The following CLEC6A variants were observed in gnomAD, a reference collection of about 807,000 sequenced individuals.
The protein encoded by CLEC6A is C-type lectin domain containing 6A, also known as C-type lectin domain family 6 member A.
In CLEC6A, 22 loss-of-function variants were observed where a neutral mutation model predicts 25.7. The observed-to-expected ratio is 0.85, with a 90% CI of 0.61 to 1.22. The LOEUF is 1.22. CLEC6A is among the 50% of genes most tolerant of loss of function. The pLI, the probability that CLEC6A is intolerant of heterozygous loss-of-function variation, is 0.00. For synonymous variants in CLEC6A, 92 were observed against 76.7 expected, an observed-to-expected ratio of 1.20 and a Z score of -1.04; for missense variants, 240 against 236.8, an observed-to-expected ratio of 1.01 and a Z score of -0.09.
rs1939994031 is a variant in CLEC6A, at chr12:8,477,558, T to A, written c.*94T>A. The A allele has an allele frequency of 4.2e-6, 4 of 962,602 alleles. No individual in the cohort carries two copies. The highest frequency in any genetic ancestry group is 6.1e-6 in the Non-Finnish European group (4 of 660,512). 59.6% of individuals were successfully genotyped at this position (962,602 alleles called of 1,614,324 possible). A position where few individuals can be genotyped will look rare whatever the true frequency, so the allele number is the denominator to read the frequency against. On this transcript the variant is annotated 3_prime_UTR_variant, in exon 6 of 6. Transcript: ENST00000382073. ...AACCCTATCATGAAATGATAATTTC[T>A]TCCTGAATTTACACATAATCCTTAT... is the stretch of plus-strand genomic sequence containing the variant.
Position 8,465,570 on chromosome 12 carries a change from G to T in CLEC6A, c.310G>T (p.Glu104Ter). Residue 104 changes from glutamate (E) to a stop codon, truncating the protein, a stop_gained, in exon 4 of 6, where the codon GAG becomes TAG. Transcript: ENST00000382073. LOFTEE classifies it high-confidence loss of function. ...TGAAGAGAAGGTTTGGTCTAAGAGT[G>T]AGCAGAACTGTGTTGAGATGGGAGC... ...SSEEKVWSKSEQNCVEMGAHL... is the reference protein window; with the variant it reads ...SSEEKVWSKS 6.2e-7 allele frequency: 1 copy of T among 1,614,026 alleles called. No individual in the cohort carries two copies. Among genetic ancestry groups the T allele is most frequent in the African/African-American group, 1.3e-5 (1 of 75,032 alleles).
rs777333576 is a variant in CLEC6A at position 8,457,984 on chromosome 12, G to A, written c.118G>A (p.Val40Ile). The A allele has an allele frequency of 1.9e-5, 30 of 1,610,444 alleles. No homozygotes were observed. Among genetic ancestry groups the A allele is most frequent in the Non-Finnish European group, 2.5e-5 (29 of 1,176,700 alleles). The part of the protein sequence containing the change: ...LLSACFIVSC[V>I]VTYHFTYGET... ...CAGTGCTTGCTTCATTGTGAGCTGT[G>A]TAGGTAAGTTCTTCACTGAGGTGCA... Residue 40 changes from valine to isoleucine, a missense_variant, in exon 2 of 6, where the codon GTA becomes ATA. Val to Ile is a conservative substitution (Grantham distance 29, BLOSUM62 3). Coordinates refer to ENST00000382073, the MANE Select transcript of CLEC6A (RefSeq NM_001007033.2).
intron 3 of CLEC6A, among the ~76,000 whole-genome samples, chr12:8,460,167 T>C (rs1255175621): frequency 2.6e-5 from 4 of 152,092 alleles, no homozygotes; most frequent in Admixed American, 2.6e-4. Context: ...GTTGGCAGAG[T>C]TGAATTTAGG....
chr12:8,468,501 G>A (rs1939866096), intron 4 of CLEC6A, among the ~76,000 whole-genome samples: 1 of 152,020 alleles, frequency 6.6e-6, no homozygotes, highest in Non-Finnish European at 1.5e-5. Context: ...AAGTTGCTCT[G>A]GCTAGGACTT....
At chr12:8,462,742 T>G (rs931636260) in intron 3 of CLEC6A, among the ~76,000 whole-genome samples, 4 of 152,064 alleles carry the variant, frequency 2.6e-5, no homozygotes, top group African/African-American at 9.7e-5. Flanking sequence ...CTAAGGGAAC[T>G]CAGAGGCTGG....
chr12:8,471,589 T>C (rs1352966036), intron 4 of CLEC6A, among the ~76,000 whole-genome samples: 2 of 152,086 alleles, frequency 1.3e-5, no homozygotes, highest in East Asian at 3.8e-4. Flanking sequence ...AGTAGTCTCT[T>C]ATAATCCCTT....
rs755236582 is a variant in CLEC6A, at chr12:8,459,423, TA to T, written c.122-167del. Among the ~76,000 whole-genome samples the T allele has an allele frequency of 2.0e-5, 3 of 152,070 alleles. No individual in the cohort carries two copies. The East Asian group carries it at 5.8e-4, about 29-fold the overall frequency. On this transcript the variant is annotated intron_variant, in intron 2 of 5. Coordinates refer to ENST00000382073, the MANE Select transcript of CLEC6A (RefSeq NM_001007033.2). ...CAAAAAATTAAATGAGGGATATATA[TA>T]AAAAAATAAGATAAGTGAATACAAG... is the stretch of plus-strand genomic sequence containing the variant.
chr12:8,465,613 A>C lies in CLEC6A; in HGVS notation c.353A>C (p.Asn118Thr). The part of the protein sequence containing the change: ...VEMGAHLVVF[N>T]TEAEQNFIVQ... ...ATGGGAGCACATTTGGTTGTGTTCA[A>C]CACAGAAGCAGAGCAGGTACTGTTT... Residue 118 changes from asparagine (N) to threonine (T), a missense_variant, in exon 4 of 6, where the codon AAC becomes ACC. Coordinates refer to ENST00000382073, the MANE Select transcript of CLEC6A (RefSeq NM_001007033.2). 1 of 1,613,244 alleles carries C rather than the reference A, an allele frequency of 6.2e-7. No homozygotes were observed.
At chr12:8,466,290 A>G (rs1043940922) in intron 4 of CLEC6A, among the ~76,000 whole-genome samples, 1 of 152,150 alleles carries the variant, frequency 6.6e-6, no homozygotes, top group Non-Finnish European at 1.5e-5. Context: ...TTACTTGTCA[A>G]TTGTCACTTA....
intron 1 of CLEC6A, 34 bp downstream of exon 1, chr12:8,456,176 A>G: frequency 6.2e-7 from 1 of 1,608,360 alleles, no homozygotes. Flanking sequence ...GGAAAGTGGA[A>G]GTGTATGGTG....
In CLEC6A at chr12:8,476,112, T is replaced by A; in HGVS notation, c.370-13T>A. The A allele has an allele frequency of 1.3e-6, 2 of 1,564,834 alleles. No homozygotes were observed. Among genetic ancestry groups the A allele is most frequent in the Non-Finnish European group, 1.8e-6 (2 of 1,140,706 alleles). ...TACCAAAGTCTTTGACTCCTTTTTT[T>A]TCCTTCATGCAGAATTTCATTGTCC... is the stretch of plus-strand genomic sequence containing the variant. On this transcript the variant is annotated splice_polypyrimidine_tract_variant and intron_variant, in intron 4 of 5. Transcript: ENST00000382073.
At chr12:8,469,078 G>A (rs995590920) in intron 4 of CLEC6A, among the ~76,000 whole-genome samples, 2 of 152,154 alleles carry the variant, frequency 1.3e-5, no homozygotes, top group Non-Finnish European at 2.9e-5. Flanking sequence ...TGATAAATGA[G>A]TTCAGCAAAG....
chr12:8,459,534 A>G (rs1209692937), intron 2 of CLEC6A, 63 bp from the exon 3 acceptor site: 1 of 1,046,922 alleles, frequency 9.6e-7, no homozygotes, highest in Non-Finnish European at 1.5e-6. Flanking sequence ...CTGTACAGAT[A>G]TAGAGCCTAA....
chr12:8,461,100 G>T, intron 3 of CLEC6A: 4 of 1,595,788 alleles, frequency 2.5e-6, no homozygotes, highest in Non-Finnish European at 2.5e-6. Flanking sequence ...ACAGGGAGAT[G>T]TGTGGGCTGA....
rs915418627 is a variant in CLEC6A, at chr12:8,458,063, T to A, written c.121+76T>A. The A allele has an allele frequency of 5.8e-6, 6 of 1,042,366 alleles. No homozygotes were observed. The Middle Eastern group carries it at 8.0e-4, about 139-fold the overall frequency. 64.6% of individuals were successfully genotyped at this position (1,042,366 alleles called of 1,614,324 possible). ...TCCATACAGGTTTCCTAGGATATAT[T>A]CTCCTTTGCCCCATTAATACGTCAG... On this transcript the variant is annotated intron_variant, in intron 2 of 5. Coordinates refer to ENST00000382073, the MANE Select transcript of CLEC6A (RefSeq NM_001007033.2).
chr12:8,475,346 G>GTA lies in CLEC6A; in HGVS notation c.370-778_370-777insAT, dbSNP rs1472373586. Among the ~76,000 whole-genome samples the GTA allele has an allele frequency of 0.023, 32 of 1,364 alleles. No individual in the cohort carries two copies. The East Asian group carries it at 0.5, about 21-fold the overall frequency. The allele number at this position is 1,364 out of a possible 152,430, so 0.9% of individuals were successfully genotyped here. A position where few individuals can be genotyped will look rare whatever the true frequency, so the allele number is the denominator to read the frequency against. On this transcript the variant is annotated intron_variant, in intron 4 of 5. Coordinates refer to ENST00000382073, the MANE Select transcript of CLEC6A (RefSeq NM_001007033.2). The stretch of plus-strand genomic sequence containing the variant: ...TCTCTCTATATATATATATATGTAT[G>GTA]TGTGTGTGTGTGTGTGTGTGTCTAT...
chr12:8,475,306 G>A (rs1202491184), intron 4 of CLEC6A, among the ~76,000 whole-genome samples: 3 of 150,838 alleles, frequency 2.0e-5, no homozygotes, highest in East Asian at 2.0e-4. Flanking sequence ...AGCAGTCAAC[G>A]TGCTCCAGAA....
intron 3 of CLEC6A, among the ~76,000 whole-genome samples, chr12:8,463,184 AT>A (rs746354252): frequency 3.3e-4 from 51 of 152,312 alleles, no homozygotes; most frequent in African/African-American, 1.1e-3. Context: ...CATGCCTAAT[AT>A]TTTAATTTCC....
At chr12:8,470,027 C>T (rs1939884935) in intron 4 of CLEC6A, among the ~76,000 whole-genome samples, 1 of 152,168 alleles carries the variant, frequency 6.6e-6, no homozygotes, top group Non-Finnish European at 1.5e-5. Flanking sequence ...TCTTTGCAAT[C>T]TCTACATTCA....
Sources: gnomAD v4.1 joint callset for allele counts (sites outside exome capture counted in the v4.1 genomes callset) on GRCh38, gnomAD v4.1.1 for gene constraint, MANE v1.5 for transcripts, NCBI Gene and HGNC (gene_info 2026-07-23, HGNC 2026-07-21) for gene names.